Variants in IRAK1BP1 observed in about 807,000 individuals in gnomAD.
IRAK1BP1 encodes the protein interleukin 1 receptor associated kinase 1 binding protein 1, also known as interleukin-1 receptor-associated kinase 1-binding protein 1.
A neutral mutation model predicts 28.0 loss-of-function variants in IRAK1BP1; 24 were observed. That is an observed-to-expected ratio of 0.86 (90% CI 0.62 to 1.20). The LOEUF is 1.20. Ranked by LOEUF, IRAK1BP1 falls within the 50% of genes most tolerant of loss-of-function variation. The pLI, the probability that IRAK1BP1 is intolerant of heterozygous loss-of-function variation, is 0.00. For missense variants in IRAK1BP1, 336 were observed against 316.7 expected (o/e 1.06, Z -0.46); for synonymous variants, 131 against 116.3 (o/e 1.13, Z -0.81).
rs1771381428 is a variant in IRAK1BP1 at position 78,885,376 on chromosome 6, A to G, written c.316-2A>G. The G allele has an allele frequency of 1.9e-6, 3 of 1,560,778 alleles. No individual in the cohort carries two copies. Among genetic ancestry groups the G allele is most frequent in the Non-Finnish European group, 1.8e-6 (2 of 1,138,462 alleles). On this transcript the variant is annotated splice_acceptor_variant, in intron 1 of 3. Coordinates refer to ENST00000369940, the MANE Select transcript of IRAK1BP1 (RefSeq NM_001010844.4). LOFTEE classifies it high-confidence loss of function. Reference sequence around the variant, plus strand: ...CATACTCTTGGACTTTTTCTGTTTCAGGCAGAAAATATAACTGTGACAAAG... The same window carrying G: ...CATACTCTTGGACTTTTTCTGTTTCGGGCAGAAAATATAACTGTGACAAAG...
rs758496433 is a variant in IRAK1BP1 at position 78,903,096 on chromosome 6, C to T, written c.*4762C>T. On this transcript the variant is annotated 3_prime_UTR_variant, in exon 4 of 4. Coordinates refer to ENST00000369940, the MANE Select transcript of IRAK1BP1 (RefSeq NM_001010844.4). ...CCCACATCAAATGAACAAATACTGCCTCTGGACTCTGAATGTAAGTTGGTT... is the reference window on the plus strand; with the variant it reads ...CCCACATCAAATGAACAAATACTGCTTCTGGACTCTGAATGTAAGTTGGTT... 3 of 1,475,702 alleles carry T rather than the reference C, an allele frequency of 2.0e-6. No homozygotes were observed. The highest frequency in any genetic ancestry group is 2.4e-5 in the South Asian group (2 of 82,176). 91.4% of individuals were successfully genotyped at this position (1,475,702 alleles called of 1,614,324 possible).
the IRAK1BP1 span, among the ~76,000 whole-genome samples, chr6:78,966,598 AAAT>A: frequency 6.6e-6 from 1 of 152,160 alleles, no homozygotes; most frequent in South Asian, 2.1e-4. Context: ...AAAGAAACAA[AAAT>A]AAAACAACTA....
At chr6:78,975,150 C>A in the IRAK1BP1 span, among the ~76,000 whole-genome samples, 1 of 151,768 alleles carries the variant, frequency 6.6e-6, no homozygotes, top group South Asian at 2.1e-4. Context: ...CCGAATCCAG[C>A]AGCACATCAA....
At chr6:78,873,605 A>G (rs1009400266) in intron 1 of IRAK1BP1, among the ~76,000 whole-genome samples, 1 of 151,952 alleles carries the variant, frequency 6.6e-6, no homozygotes, top group Admixed American at 6.6e-5. Context: ...CAGCCTCCCA[A>G]ATAGCTAGGA....
chr6:78,877,930 G>A (rs1393333255), intron 1 of IRAK1BP1, among the ~76,000 whole-genome samples: 2 of 151,952 alleles, frequency 1.3e-5, no homozygotes, highest in African/African-American at 4.8e-5. Flanking sequence ...TAAGGCAGCA[G>A]TGAGGGAGGG....
chr6:78,907,806 G>A (rs1015805933), downstream of IRAK1BP1, among the ~76,000 whole-genome samples: 31 of 151,584 alleles, frequency 2.0e-4, no homozygotes, highest in East Asian at 5.8e-4. Context: ...TGCAACCTCT[G>A]CCTCCCGGGT....
At chr6:78,912,645 G>A (rs1772457498) in intron 4 of IRAK1BP1, among the ~76,000 whole-genome samples, 1 of 152,028 alleles carries the variant, frequency 6.6e-6, no homozygotes, top group Non-Finnish European at 1.5e-5. Flanking sequence ...AGCAAAAGGT[G>A]GAAACAACCA....
chr6:78,897,989 A>G (rs753749680), intron 3 of IRAK1BP1, 30 bp downstream of exon 3: 4 of 1,611,180 alleles, frequency 2.5e-6, no homozygotes, highest in African/African-American at 1.3e-5. Flanking sequence ...TAACTAAGAT[A>G]TTCTTTAAAC....
chr6:78,971,872 G>T, the IRAK1BP1 span, among the ~76,000 whole-genome samples: 3,220 of 151,628 alleles, frequency 0.021, 118 homozygotes, highest in African/African-American at 0.073. Flanking sequence ...TGGCTCGGAG[G>T]GTCCTACCCC....
the IRAK1BP1 span, among the ~76,000 whole-genome samples, chr6:78,968,403 C>T: frequency 1.6e-4 from 24 of 152,270 alleles, no homozygotes; most frequent in South Asian, 4.6e-3. Context: ...TTGGCAGATT[C>T]TGCATCAGCA....
chr6:78,906,441 T>C (rs759575987), downstream of IRAK1BP1, among the ~76,000 whole-genome samples: 7 of 152,210 alleles, frequency 4.6e-5, no homozygotes, highest in Non-Finnish European at 1.5e-5. Context: ...TACAAAATTG[T>C]TTGCCCCCAT....
chr6:78,966,841 C>T, the IRAK1BP1 span, among the ~76,000 whole-genome samples: 2 of 152,298 alleles, frequency 1.3e-5, no homozygotes, highest in Non-Finnish European at 1.5e-5. Flanking sequence ...TGAGTTTTCT[C>T]GTGGCTAGCA....
At chr6:78,966,107 C>G in the IRAK1BP1 span, 1 of 1,127,982 alleles carries the variant, frequency 8.9e-7, no homozygotes, top group Admixed American at 1.7e-5. Context: ...TGGCTGCTGT[C>G]ACTGCTTTTT....
chr6:78,895,891 C>A (rs1192716488), intron 2 of IRAK1BP1, among the ~76,000 whole-genome samples: 1 of 152,056 alleles, frequency 6.6e-6, no homozygotes, highest in African/African-American at 2.4e-5. Flanking sequence ...TAAAAGACAT[C>A]CAGAGTGGAA....
the IRAK1BP1 span, among the ~76,000 whole-genome samples, chr6:78,975,088 C>T: frequency 1.7e-4 from 26 of 151,426 alleles, no homozygotes; most frequent in Non-Finnish European, 3.0e-4. Context: ...AATTTTAGAC[C>T]AATATCCTTG....
chr6:78,923,455 C>A (rs1413240111), intron 4 of IRAK1BP1, among the ~76,000 whole-genome samples: 1 of 152,114 alleles, frequency 6.6e-6, no homozygotes, highest in Non-Finnish European at 1.5e-5. Context: ...CTTTGACTCC[C>A]ACACAATAAT....
chr6:78,962,639 GTTTTC>G, the IRAK1BP1 span, among the ~76,000 whole-genome samples: 6 of 152,192 alleles, frequency 3.9e-5, no homozygotes, highest in African/African-American at 9.6e-5. Flanking sequence ...TGTGGTCACT[GTTTTC>G]TTTTAACAAG....
chr6:78,897,828 G>T lies in IRAK1BP1; in HGVS notation c.382-1G>T. On this transcript the variant is annotated splice_acceptor_variant, in intron 2 of 3. Transcript: ENST00000369940. LOFTEE classifies it high-confidence loss of function. ...ATAATATCGTGTCATTTCATTTACAGGTCTGCATTACATTTACTGAATTTG... is the reference window on the plus strand; with the variant it reads ...ATAATATCGTGTCATTTCATTTACATGTCTGCATTACATTTACTGAATTTG... 2 of 1,611,016 alleles carry T rather than the reference G, an allele frequency of 1.2e-6. No homozygotes were observed. The highest frequency in any genetic ancestry group is 1.1e-5 in the South Asian group (1 of 90,758).
At position 78,880,528 on chromosome 6, in the gene IRAK1BP1, T is replaced by C. The variant is rs1176435001; in HGVS notation, c.316-4850T>C. On this transcript the variant is annotated intron_variant, in intron 1 of 3. Transcript: ENST00000369940. ...GTTAAGAAAATGAAAAGTCAATCTA[T>C]AGACTGGGAGAAAATATTTGTAAAT... is the stretch of plus-strand genomic sequence containing the variant. Among the ~76,000 whole-genome samples the C allele has an allele frequency of 3.3e-5, 5 of 152,152 alleles. 1 individual carries two copies. The South Asian group carries it at 8.3e-4, about 25-fold the overall frequency.
Sources: allele counts gnomAD v4.1 joint callset (sites outside exome capture counted in the v4.1 genomes callset), GRCh38; gene constraint gnomAD v4.1.1; transcripts MANE v1.5; gene names NCBI Gene and HGNC (gene_info 2026-07-23, HGNC 2026-07-21).